ARHGAP21: variants seen among roughly 807,000 people sequenced by gnomAD.
ARHGAP21 encodes the protein rho GTPase-activating protein 21.
Under a neutral mutation model 164.6 loss-of-function variants are expected in ARHGAP21, and 38 were observed. The observed-to-expected ratio is 0.23, with a 90% confidence interval of 0.18 to 0.30. The LOEUF is 0.30. ARHGAP21 is among the 10% of genes least tolerant of loss of function. The pLI is 1.00. For missense variants in ARHGAP21, 1,822 were observed against 2,370.7 expected (o/e 0.77, Z 4.81); for synonymous variants, 766 against 857.9 (o/e 0.89, Z 1.87).
intron 7 of ARHGAP21, among the ~76,000 whole-genome samples, chr10:24,627,202 A>C (rs1015770207): frequency 1.3e-5 from 2 of 152,312 alleles, no homozygotes; most frequent in Admixed American, 6.5e-5. Context: ...TACAACCTAC[A>C]AGTGTTTCCA....
chr10:24,715,986 GT>G (rs758827952), intron 2 of ARHGAP21, among the ~76,000 whole-genome samples: 386 of 152,296 alleles, frequency 2.5e-3, no homozygotes, highest in Middle Eastern at 0.02. Context: ...TCAAGCCTGC[GT>G]GACAATGCAA....
At chr10:24,705,639 T>A (rs1844154611) in intron 2 of ARHGAP21, among the ~76,000 whole-genome samples, 1 of 152,236 alleles carries the variant, frequency 6.6e-6, no homozygotes, top group South Asian at 2.1e-4. Context: ...GTGCTTTATT[T>A]ATCATTCATT....
At chr10:24,601,025 C>A in intron 13 of ARHGAP21, 95 bp from the exon 14 acceptor site, 1 of 1,403,016 alleles carries the variant, frequency 7.1e-7, no homozygotes, top group Non-Finnish European at 9.7e-7. Context: ...TCTGCATTTA[C>A]ATATAACTAG....
rs1176705223 is a variant in ARHGAP21, at chr10:24,620,343, A to G, written c.1552T>C (p.Ser518Pro). The G allele has an allele frequency of 6.2e-7, 1 of 1,613,916 alleles. No homozygotes were observed. The highest frequency in any genetic ancestry group is 8.5e-7 in the Non-Finnish European group (1 of 1,179,878). The change falls in exon 9 of 26, where the codon TCC (serine) becomes CCC (proline). Residue 518 changes from serine to proline, a missense_variant. Coordinates refer to ENST00000396432, the MANE Select transcript of ARHGAP21 (RefSeq NM_020824.4). ...TAAGTCTGTTTTTTCTCTCCATTGGAATCAGGTATTGGAGTTCCAGAATTG... is the reference window on the plus strand; with the variant it reads ...TAAGTCTGTTTTTTCTCTCCATTGGGATCAGGTATTGGAGTTCCAGAATTG... ...NVNSGTPIPDSNGEKKQTYKW... is the reference protein window; with the variant it reads ...NVNSGTPIPDPNGEKKQTYKW...
chr10:24,642,596 G>T (rs768119741), intron 4 of ARHGAP21, among the ~76,000 whole-genome samples: 1 of 151,122 alleles, frequency 6.6e-6, no homozygotes, highest in Non-Finnish European at 1.5e-5. Context: ...CTATGTGATC[G>T]GTACTGCAAG....
At position 24,689,896 on chromosome 10, in the gene ARHGAP21, G is replaced by A. The variant is rs186615246; in HGVS notation, c.64-19499C>T. ...TATACATGTATATATGTATATGTATGTGTATATATACATGTATATATGTAT... is the reference window on the plus strand; with the variant it reads ...TATACATGTATATATGTATATGTATATGTATATATACATGTATATATGTAT... On this transcript the variant is annotated intron_variant, in intron 2 of 25. Coordinates refer to ENST00000396432, the MANE Select transcript of ARHGAP21 (RefSeq NM_020824.4). 5.2e-5 allele frequency among the ~76,000 whole-genome samples: 7 copies of A among 134,056 alleles called. No homozygotes were observed. The Admixed American group carries it at 5.3e-4, about 10-fold the overall frequency. The allele number at this position is 134,056 out of a possible 152,430, so 87.9% of individuals were successfully genotyped here. A position where few individuals can be genotyped will look rare whatever the true frequency, so the allele number is the denominator to read the frequency against.
chr10:24,649,411 G>C (rs1188156913), intron 4 of ARHGAP21, among the ~76,000 whole-genome samples: 2 of 152,104 alleles, frequency 1.3e-5, no homozygotes, highest in East Asian at 3.9e-4. Context: ...ATCTCTATCA[G>C]GAGACTCTCC....
At chr10:24,597,869 T>C (rs2076652228) in intron 15 of ARHGAP21, 76 bp downstream of exon 15, 6 of 1,451,228 alleles carry the variant, frequency 4.1e-6, no homozygotes, top group South Asian at 3.7e-5. Context: ...GGTCTTGGAA[T>C]GTATCCTTGC....
chr10:24,653,258 GATTTT>G (rs1332032473), intron 4 of ARHGAP21, among the ~76,000 whole-genome samples: 2 of 151,924 alleles, frequency 1.3e-5, no homozygotes, highest in Non-Finnish European at 2.9e-5. Flanking sequence ...TTTAGAAGAG[GATTTT>G]GTTTTGTTTT....
At chr10:24,632,592 A>G (rs1835951806) in intron 6 of ARHGAP21, among the ~76,000 whole-genome samples, 1 of 152,228 alleles carries the variant, frequency 6.6e-6, no homozygotes, top group South Asian at 2.1e-4. Context: ...CACTCTAGAC[A>G]TACTTAGGAG....
chr10:24,588,915 C>A (rs143776665), intron 25 of ARHGAP21, among the ~76,000 whole-genome samples: 6 of 152,122 alleles, frequency 3.9e-5, no homozygotes, highest in Non-Finnish European at 8.8e-5. Flanking sequence ...ACAGAGCAAA[C>A]GGAGTCGGCC....
chr10:24,614,580 C>T (rs1436838389), intron 9 of ARHGAP21, among the ~76,000 whole-genome samples: 1 of 151,612 alleles, frequency 6.6e-6, no homozygotes, highest in African/African-American at 2.4e-5. Context: ...ATCAGGAGTT[C>T]GAGACCAGCT....
chr10:24,667,994 A>T (rs1840357212), intron 3 of ARHGAP21, among the ~76,000 whole-genome samples: 2 of 152,234 alleles, frequency 1.3e-5, no homozygotes. Context: ...GAACATCTGT[A>T]TTAAATAATA....
intron 4 of ARHGAP21, among the ~76,000 whole-genome samples, chr10:24,662,903 TTAC>T (rs1839848957): frequency 6.6e-6 from 1 of 152,196 alleles, no homozygotes; most frequent in South Asian, 2.1e-4. Context: ...TGGTAAACTT[TTAC>T]TACATTTCAA....
chr10:24,604,497 GAAAA>G (rs879900302), intron 11 of ARHGAP21, 149 bp from the exon 12 acceptor site: 3 of 460,096 alleles, frequency 6.5e-6, no homozygotes, highest in African/African-American at 2.0e-5. Context: ...CAATGGAAGA[GAAAA>G]AAAGCTAATT....
chr10:24,707,317 G>C (rs1844336171), intron 2 of ARHGAP21, among the ~76,000 whole-genome samples: 1 of 152,176 alleles, frequency 6.6e-6, no homozygotes, highest in Non-Finnish European at 1.5e-5. Flanking sequence ...AATAACATCT[G>C]TAACATGCTT....
chr10:24,712,548 G>T (rs1217500889), intron 2 of ARHGAP21, among the ~76,000 whole-genome samples: 1 of 152,008 alleles, frequency 6.6e-6, no homozygotes, highest in African/African-American at 2.4e-5. Context: ...CCACATAAAC[G>T]GTTGTTATAC....
chr10:24,590,453 C>T, intron 24 of ARHGAP21: 1 of 1,535,266 alleles, frequency 6.5e-7, no homozygotes, highest in Non-Finnish European at 8.7e-7. Context: ...AGTGACATTA[C>T]CGTGTGATAG....
chr10:24,592,181 T>C (rs201654486), intron 21 of ARHGAP21, among the ~76,000 whole-genome samples, 169 bp from the exon 22 acceptor site: 25 of 84,848 alleles, frequency 2.9e-4, no homozygotes, highest in Admixed American at 5.1e-4. Flanking sequence ...TTTTTTTTTT[T>C]CTGAGACAGG....
Sources: gnomAD v4.1 joint callset for allele counts (sites outside exome capture counted in the v4.1 genomes callset) on GRCh38, gnomAD v4.1.1 for gene constraint, MANE v1.5 for transcripts, NCBI Gene and HGNC (gene_info 2026-07-23, HGNC 2026-07-21) for gene names.